Variants in ALG14 observed in about 807,000 individuals in gnomAD.
ALG14 encodes the protein ALG14 UDP-N-acetylglucosaminyltransferase subunit.
A neutral mutation model predicts 22.8 loss-of-function variants in ALG14; 17 were observed. That is an observed-to-expected ratio of 0.75 (90% CI 0.51 to 1.12). ALG14 has a LOEUF of 1.12. Among genes scored for constraint, ALG14 ranks in the 50% most tolerant of loss-of-function variants. The pLI is 0.00. For synonymous variants in ALG14, 89 were observed against 103.7 expected (o/e 0.86, Z 0.86); for missense variants, 288 against 271.8 (o/e 1.06, Z -0.42).
chr1:95,033,361 T>G (rs1026575708), intron 2 of ALG14, among the ~76,000 whole-genome samples: 2 of 150,592 alleles, frequency 1.3e-5, no homozygotes, highest in Non-Finnish European at 1.5e-5. Context: ...TCTCAATCCA[T>G]CCTACGGGGG....
At chr1:94,990,848 A>C (rs1672753158) in intron 3 of ALG14, among the ~76,000 whole-genome samples, 1 of 152,262 alleles carries the variant, frequency 6.6e-6, no homozygotes, top group Non-Finnish European at 1.5e-5. Flanking sequence ...TTAATCAAAA[A>C]AATAACTGAG....
At chr1:95,000,106 T>C (rs1400815539) in intron 3 of ALG14, among the ~76,000 whole-genome samples, 1 of 152,218 alleles carries the variant, frequency 6.6e-6, no homozygotes, top group African/African-American at 2.4e-5. Flanking sequence ...AAAAGTTCCT[T>C]CCTAAACTCA....
At chr1:94,992,064 G>A (rs1390043409) in intron 3 of ALG14, among the ~76,000 whole-genome samples, 1 of 151,992 alleles carries the variant, frequency 6.6e-6, no homozygotes, top group East Asian at 1.9e-4. Flanking sequence ...TGAAGGACCT[G>A]CCTGAAGTTG....
At chr1:95,008,270 G>T (rs1343115956) in intron 3 of ALG14, among the ~76,000 whole-genome samples, 6 of 152,238 alleles carry the variant, frequency 3.9e-5, no homozygotes, top group African/African-American at 1.4e-4. Context: ...ATACAATCAG[G>T]AACAGTGATG....
At chr1:95,039,193 A>C (rs893697041) in intron 2 of ALG14, among the ~76,000 whole-genome samples, 2 of 152,198 alleles carry the variant, frequency 1.3e-5, no homozygotes, top group African/African-American at 4.8e-5. Context: ...AGCATGGAAT[A>C]TCTGGGGAAC....
intron 3 of ALG14, among the ~76,000 whole-genome samples, chr1:94,995,489 G>C (rs1051180281): frequency 1.3e-5 from 2 of 152,230 alleles, no homozygotes; most frequent in Non-Finnish European, 2.9e-5. Context: ...GAGGCAGGCA[G>C]ATCACTTGAG....
chr1:95,063,448 C>A (rs1243073371), intron 2 of ALG14, among the ~76,000 whole-genome samples: 1 of 152,132 alleles, frequency 6.6e-6, no homozygotes, highest in African/African-American at 2.4e-5. Context: ...TGTCTTTAAT[C>A]CACCTTGAGT....
At position 94,980,784 on chromosome 1, in the gene ALG14, A is replaced by G. The variant is rs1370091498; in HGVS notation, c.*2292T>C. 4.6e-5 allele frequency: 7 copies of G among 152,264 alleles called. No individual in the cohort carries two copies. Among genetic ancestry groups the G allele is most frequent in the Non-Finnish European group, 1.0e-4 (7 of 68,046 alleles). 9.4% of individuals were successfully genotyped at this position (152,264 alleles called of 1,614,324 possible). ...AATGAGTACACAGCAGCCTGAACCT[A>G]TGAAAGATATAACATTTCTAAACTT... On this transcript the variant is annotated 3_prime_UTR_variant, in exon 4 of 4. Transcript: ENST00000370205.
intron 2 of ALG14, among the ~76,000 whole-genome samples, chr1:95,053,852 A>G (rs990734203): frequency 6.6e-6 from 1 of 152,196 alleles, no homozygotes; most frequent in East Asian, 1.9e-4. Context: ...TGGGGAATAT[A>G]ATTTCTTTTT....
chr1:95,003,175 T>C (rs147167549), intron 3 of ALG14, among the ~76,000 whole-genome samples: 10 of 152,328 alleles, frequency 6.6e-5, no homozygotes, highest in African/African-American at 2.2e-4. Context: ...AAACAAGTGG[T>C]CCATAGGCTG....
rs541059210 is a variant in ALG14 at position 95,026,515 on chromosome 1, A to T, written c.420+614T>A. ...GTGTGTGTGTGTGTATGTGTGTGTG[A>T]GACAGAGAGAGGACAGCAGGCTGTT... On this transcript the variant is annotated intron_variant, in intron 3 of 3. Coordinates refer to ENST00000370205, the MANE Select transcript of ALG14 (RefSeq NM_144988.4). Among the ~76,000 whole-genome samples, 27 of 143,236 alleles carry T rather than the reference A, an allele frequency of 1.9e-4. No homozygotes were observed. In the South Asian group the frequency reaches 2.9e-3, roughly 15 times the overall value. 94.0% of individuals were successfully genotyped at this position (143,236 alleles called of 152,430 possible). A position where few individuals can be genotyped will look rare whatever the true frequency, so the allele number is the denominator to read the frequency against.
chr1:95,047,202 T>A (rs567423194), intron 2 of ALG14, among the ~76,000 whole-genome samples: 2 of 152,256 alleles, frequency 1.3e-5, no homozygotes, highest in African/African-American at 2.4e-5. Context: ...TGTGTATATA[T>A]AATTCATACT....
intron 2 of ALG14, among the ~76,000 whole-genome samples, chr1:95,059,428 T>C (rs1159498337): frequency 1.3e-5 from 2 of 151,102 alleles, no homozygotes; most frequent in Admixed American, 6.6e-5. Context: ...AAACATATTA[T>C]TCTTGTTTAT....
chr1:95,041,996 T>G (rs1674395186), intron 2 of ALG14, among the ~76,000 whole-genome samples: 1 of 152,300 alleles, frequency 6.6e-6, no homozygotes, highest in South Asian at 2.1e-4. Flanking sequence ...GTGCTTGTGG[T>G]ATGTGTTTGG....
chr1:95,064,777 G>C, intron 2 of ALG14, 89 bp downstream of exon 2: 1 of 1,232,076 alleles, frequency 8.1e-7, no homozygotes, highest in Non-Finnish European at 1.1e-6. Flanking sequence ...TTGTGGGTAG[G>C]GCACTGAAGT....
intron 3 of ALG14, among the ~76,000 whole-genome samples, chr1:95,025,147 C>T (rs1036485672): frequency 2.6e-5 from 4 of 152,144 alleles, no homozygotes; most frequent in Non-Finnish European, 4.4e-5. Flanking sequence ...TATTAATCTC[C>T]TTGTATATCT....
chr1:95,021,142 A>G (rs527700611), intron 3 of ALG14, among the ~76,000 whole-genome samples: 1 of 152,266 alleles, frequency 6.6e-6, no homozygotes, highest in African/African-American at 2.4e-5. Flanking sequence ...TTTTTTTCCT[A>G]TTCTACTTTT....
intron 2 of ALG14, among the ~76,000 whole-genome samples, chr1:95,053,955 C>T (rs1222493348): frequency 5.3e-5 from 8 of 152,220 alleles, no homozygotes; most frequent in Admixed American, 5.2e-4. Context: ...AACACATTCT[C>T]TGCTCACAAT....
chr1:95,030,096 A>C (rs1673951362), intron 2 of ALG14, among the ~76,000 whole-genome samples: 1 of 152,214 alleles, frequency 6.6e-6, no homozygotes, highest in Non-Finnish European at 1.5e-5. Flanking sequence ...CCCTTCTCAG[A>C]AACCTTTTGG....
Sources: gnomAD v4.1 joint callset for allele counts (sites outside exome capture counted in the v4.1 genomes callset) on GRCh38, gnomAD v4.1.1 for gene constraint, MANE v1.5 for transcripts, NCBI Gene and HGNC (gene_info 2026-07-23, HGNC 2026-07-21) for gene names.